Variants in KIAA1328 observed in about 807,000 individuals in gnomAD.
The protein encoded by KIAA1328 is protein hinderin.
A neutral mutation model predicts 68.1 loss-of-function variants in KIAA1328; 52 were observed. The ratio of observed to expected loss-of-function variants is 0.76; its 90% CI spans 0.61 to 0.96. The LOEUF (loss-of-function observed/expected upper bound fraction) is 0.96. Among genes scored for constraint, KIAA1328 ranks in the 40% least tolerant of loss-of-function variants. KIAA1328 has a pLI of 0.00. For missense variants in KIAA1328, 641 were observed against 677.6 expected, an observed-to-expected ratio of 0.95 and a Z score of 0.60; for synonymous variants, 232 against 239.4, an observed-to-expected ratio of 0.97 and a Z score of 0.28.
In KIAA1328 at chr18:36,841,829, A is replaced by G. The variant is rs77789360; in HGVS notation, c.238-2379A>G. 2.3e-3 allele frequency among the ~76,000 whole-genome samples: 347 copies of G among 152,318 alleles called. 11 individuals are homozygous for G. The East Asian group carries it at 0.065, about 29-fold the overall frequency. On this transcript the variant is annotated intron_variant, in intron 3 of 9. Transcript: ENST00000280020. Reference sequence around the variant, plus strand: ...GTAAATACATTTTTTTTGAAACAGTATTTCATATATATTTGGAACTTTATA... The same window carrying G: ...GTAAATACATTTTTTTTGAAACAGTGTTTCATATATATTTGGAACTTTATA...
chr18:37,190,416 G>A (rs543156642), intron 9 of KIAA1328, among the ~76,000 whole-genome samples: 1 of 152,230 alleles, frequency 6.6e-6, no homozygotes, highest in South Asian at 2.1e-4. Context: ...GTTAAATCAA[G>A]CAATTAGAAT....
chr18:37,056,485 G>T (rs1307837221), intron 6 of KIAA1328, among the ~76,000 whole-genome samples: 1 of 151,488 alleles, frequency 6.6e-6, no homozygotes, highest in East Asian at 1.9e-4. Flanking sequence ...GCCTACCCAA[G>T]TTATGAAATA....
intron 9 of KIAA1328, among the ~76,000 whole-genome samples, chr18:37,210,544 T>G (rs2060297279): frequency 6.6e-6 from 1 of 152,172 alleles, no homozygotes; most frequent in Non-Finnish European, 1.5e-5. Flanking sequence ...CAAGGGATGG[T>G]ACTTTATGGG....
intron 7 of KIAA1328, among the ~76,000 whole-genome samples, chr18:37,148,698 A>G (rs1489608549): frequency 6.6e-6 from 1 of 152,066 alleles, no homozygotes; most frequent in South Asian, 2.1e-4. Flanking sequence ...TGTGGTTTTG[A>G]TTTGCATTTA....
chr18:37,092,625 TCA>T (rs1491273083), intron 7 of KIAA1328, among the ~76,000 whole-genome samples: 1 of 151,928 alleles, frequency 6.6e-6, no homozygotes, highest in African/African-American at 2.4e-5. Context: ...CTACTGTCAC[TCA>T]CAAATGTCAT....
intron 6 of KIAA1328, among the ~76,000 whole-genome samples, chr18:36,977,790 T>G (rs1245058049): frequency 6.6e-6 from 1 of 152,024 alleles, no homozygotes; most frequent in Non-Finnish European, 1.5e-5. Context: ...TTTATTTTAT[T>G]TTTTATTTTA....
chr18:37,219,362 G>C (rs763176438), intron 9 of KIAA1328, among the ~76,000 whole-genome samples: 19 of 152,208 alleles, frequency 1.2e-4, no homozygotes. Flanking sequence ...GCTCTCTTCA[G>C]AGCTGTCAGG....
intron 5 of KIAA1328, among the ~76,000 whole-genome samples, chr18:36,950,161 T>A (rs997973796): frequency 2.0e-5 from 3 of 152,218 alleles, no homozygotes. Context: ...TACTCTTTTT[T>A]TCAAAAGGGA....
intron 5 of KIAA1328, among the ~76,000 whole-genome samples, chr18:36,926,173 T>C (rs1033810945): frequency 2.0e-5 from 3 of 152,088 alleles, no homozygotes; most frequent in African/African-American, 7.2e-5. Context: ...GAAGGATAGA[T>C]TATCTGTGAA....
intron 7 of KIAA1328, among the ~76,000 whole-genome samples, chr18:37,138,193 G>A (rs753445641): frequency 2.0e-5 from 3 of 152,090 alleles, no homozygotes; most frequent in Admixed American, 6.5e-5. Context: ...ATATTAATTC[G>A]TTTAATCCTC....
Position 37,023,924 on chromosome 18 carries a change from T to C in KIAA1328, c.577-42966T>C, listed in dbSNP as rs182325351. On this transcript the variant is annotated intron_variant, in intron 6 of 9. Transcript: ENST00000280020. ...TGTCACCCAGGTAATAAGCATAGTA[T>C]CCAACAGATAGTTTTTCAATCTTCA... is the stretch of plus-strand genomic sequence containing the variant. 4.9e-4 allele frequency among the ~76,000 whole-genome samples: 75 copies of C among 152,312 alleles called. 1 individual carries two copies. The highest frequency in any genetic ancestry group is 4.9e-3 in the Admixed American group (75 of 15,288).
chr18:37,147,528 A>C (rs1018112596), intron 7 of KIAA1328, among the ~76,000 whole-genome samples: 2 of 151,986 alleles, frequency 1.3e-5, no homozygotes, highest in African/African-American at 4.8e-5. Flanking sequence ...TTGAACTTGG[A>C]TAGGTTTGGT....
chr18:36,881,514 C>T (rs183876129), intron 4 of KIAA1328, among the ~76,000 whole-genome samples: 5 of 152,126 alleles, frequency 3.3e-5, no homozygotes, highest in South Asian at 4.1e-4. Context: ...TTTTAAACAG[C>T]GTATTCACAG....
intron 7 of KIAA1328, among the ~76,000 whole-genome samples, chr18:37,144,926 A>G (rs1199058140): frequency 3.3e-5 from 5 of 151,884 alleles, no homozygotes; most frequent in Admixed American, 1.3e-4. Context: ...TTCTTTACCT[A>G]TGGGTTATTT....
At chr18:37,084,707 CT>C in intron 7 of KIAA1328, among the ~76,000 whole-genome samples, 1 of 152,190 alleles carries the variant, frequency 6.6e-6, no homozygotes, top group Non-Finnish European at 1.5e-5. Context: ...TAAATTTTGC[CT>C]TGAAGAACAT....
chr18:37,046,908 A>T (rs552974702), intron 6 of KIAA1328, among the ~76,000 whole-genome samples: 13 of 152,310 alleles, frequency 8.5e-5, no homozygotes, highest in African/African-American at 3.1e-4. Flanking sequence ...AGACGGGTGG[A>T]TCACCTGAGG....
At chr18:37,075,520 T>A (rs1457777690) in intron 7 of KIAA1328, 3 of 152,272 alleles carry the variant, frequency 2.0e-5, no homozygotes, top group Admixed American at 2.0e-4. Context: ...ATGCTCCAAT[T>A]AAAAGACACA....
At chr18:36,942,347 G>A (rs1382193608) in intron 5 of KIAA1328, among the ~76,000 whole-genome samples, 2 of 152,152 alleles carry the variant, frequency 1.3e-5, no homozygotes, top group Non-Finnish European at 2.9e-5. Flanking sequence ...ACGAATTTTG[G>A]TTTTCTGAAC....
rs77086594 is a variant in KIAA1328 at position 37,053,918 on chromosome 18, A to T, written c.577-12972A>T. ...AATTTGCAAAGTATGCATCTGACAA[A>T]GGTCTGGTATCCAGAACCTATAAGG... On this transcript the variant is annotated intron_variant, in intron 6 of 9. Coordinates refer to ENST00000280020, the MANE Select transcript of KIAA1328 (RefSeq NM_020776.3). Among the ~76,000 whole-genome samples, 390 of 152,152 alleles carry T rather than the reference A, an allele frequency of 2.6e-3. 3 individuals carry two copies. Among genetic ancestry groups the T allele is most frequent in the African/African-American group, 9.0e-3 (372 of 41,518 alleles).
Sources: gnomAD v4.1 joint callset for allele counts (sites outside exome capture counted in the v4.1 genomes callset) on GRCh38, gnomAD v4.1.1 for gene constraint, MANE v1.5 for transcripts, NCBI Gene and HGNC (gene_info 2026-07-23, HGNC 2026-07-21) for gene names.